Variants in SFT2D2 observed in about 807,000 individuals in gnomAD.
SFT2D2 encodes the protein vesicle transport protein SFT2B.
Under a neutral mutation model 27.4 loss-of-function variants are expected in SFT2D2, and 21 were observed. That is an observed-to-expected ratio of 0.77 (90% CI 0.54 to 1.10). SFT2D2 has a LOEUF of 1.10. Among genes scored for constraint, SFT2D2 ranks in the 50% least tolerant of loss-of-function variants. The pLI, the probability that SFT2D2 is intolerant of heterozygous loss-of-function variation, is 0.00. For missense variants in SFT2D2, 187 were observed against 194.2 expected, an observed-to-expected ratio of 0.96 and a Z score of 0.22; for synonymous variants, 72 against 71.7, an observed-to-expected ratio of 1.00 and a Z score of -0.02.
In SFT2D2 at chr1:168,245,690, T is replaced by TC. The variant is rs1289957205; in HGVS notation, c.*3152dup. The stretch of plus-strand genomic sequence containing the variant: ...TGGTTCCTAACAGGTCATGGACCTG[T>TC]CCATGGCCTGTAGGTTGGGAACCTC... On this transcript the variant is annotated 3_prime_UTR_variant, in exon 8 of 8. Transcript: ENST00000271375. The TC allele has an allele frequency of 2.6e-5, 4 of 151,988 alleles. No individual in the cohort carries two copies. The highest frequency in any genetic ancestry group is 9.7e-5 in the African/African-American group (4 of 41,328). 9.4% of individuals were successfully genotyped at this position (151,988 alleles called of 1,614,324 possible).
chr1:168,240,279 C>T (rs757643430), intron 7 of SFT2D2, among the ~76,000 whole-genome samples: 1 of 151,478 alleles, frequency 6.6e-6, no homozygotes, highest in African/African-American at 2.4e-5. Flanking sequence ...CTGTTGCTGA[C>T]AGTGATTTGA....
rs144712503 is a variant in SFT2D2 at position 168,226,130 on chromosome 1, C to G, written c.51C>G (p.Ser17Arg). 6.5e-7 allele frequency: 1 copy of G among 1,534,178 alleles called. No homozygotes were observed. Among genetic ancestry groups the G allele is most frequent in the Non-Finnish European group, 8.8e-7 (1 of 1,139,824 alleles). ...VLSGQDTEDR[S>R]GLSEVVEASS... ...GCGGGCAGGACACGGAGGACCGGAGCGGCCTGTCCGAGGTGAGTGAGCCCG... is the reference window on the plus strand; with the variant it reads ...GCGGGCAGGACACGGAGGACCGGAGGGGCCTGTCCGAGGTGAGTGAGCCCG... Residue 17 changes from serine (S) to arginine (R), a missense_variant, in exon 1 of 8, where the codon AGC (serine) becomes AGG (arginine). Transcript: ENST00000271375.
intron 3 of SFT2D2, 131 bp from the exon 4 acceptor site, chr1:168,234,970 C>G (rs566738437): frequency 2.4e-6 from 2 of 824,728 alleles, no homozygotes; most frequent in African/African-American, 1.7e-5. Context: ...ACGAAAGGCC[C>G]TTCAGCACAG....
intron 1 of SFT2D2, chr1:168,229,711 A>T (rs1156396908): frequency 1.3e-5 from 2 of 152,304 alleles, no homozygotes; most frequent in African/African-American, 4.8e-5. Context: ...CACCTTGGCA[A>T]GGTAAGTTCT....
chr1:168,231,013 T>C (rs897419372), intron 1 of SFT2D2, among the ~76,000 whole-genome samples: 2 of 152,160 alleles, frequency 1.3e-5, no homozygotes, highest in African/African-American at 4.8e-5. Context: ...CAAGAGTGAA[T>C]AATGTGGGTG....
chr1:168,243,546 A>G lies in SFT2D2; in HGVS notation c.*1006A>G, dbSNP rs2102334666. ...TGTTTGCACTTAGCCTGTGCTGGGG[A>G]CACTGGGGATAAACTGCAGGTGGTC... On this transcript the variant is annotated 3_prime_UTR_variant, in exon 8 of 8. Transcript: ENST00000271375. The G allele has an allele frequency of 6.6e-6, 1 of 152,302 alleles. No homozygotes were observed. Among genetic ancestry groups the G allele is most frequent in the East Asian group, 1.9e-4 (1 of 5,164 alleles). The allele number at this position is 152,302 out of a possible 1,614,324, so 9.4% of individuals were successfully genotyped here. A position where few individuals can be genotyped will look rare whatever the true frequency, so the allele number is the denominator to read the frequency against.
chr1:168,232,725 CTG>C (rs1216697771), intron 3 of SFT2D2, among the ~76,000 whole-genome samples: 3 of 152,234 alleles, frequency 2.0e-5, no homozygotes. Context: ...TGATCACACT[CTG>C]TGCTGGGCTC....
At chr1:168,231,148 A>G (rs1030226649) in intron 1 of SFT2D2, among the ~76,000 whole-genome samples, 1 of 152,100 alleles carries the variant, frequency 6.6e-6, no homozygotes, top group Non-Finnish European at 1.5e-5. Flanking sequence ...TCCCTGGTGG[A>G]CGCATGCCTT....
rs1298025952 is a variant in SFT2D2, at chr1:168,246,005, C to G, written c.*3465C>G. 4 of 195,848 alleles carry G rather than the reference C, an allele frequency of 2.0e-5. No individual in the cohort carries two copies. Among genetic ancestry groups the G allele is most frequent in the Non-Finnish European group, 4.2e-5 (4 of 95,176 alleles). The allele number at this position is 195,848 out of a possible 1,614,324, so 12.1% of individuals were successfully genotyped here. On this transcript the variant is annotated 3_prime_UTR_variant, in exon 8 of 8. Transcript: ENST00000271375. The stretch of plus-strand genomic sequence containing the variant: ...CTAATTTCTTCCTTGAATCCTACAT[C>G]TCACTTTCTCAATGGACGCAGTGAC...
At chr1:168,242,308 A>G (rs984001702) in intron 7 of SFT2D2, among the ~76,000 whole-genome samples, 193 bp from the exon 8 acceptor site, 9 of 152,200 alleles carry the variant, frequency 5.9e-5, no homozygotes, top group Admixed American at 3.9e-4. Flanking sequence ...GAGGAATTTG[A>G]AACTCAAACA....
rs1251619090 is a variant in SFT2D2 at position 168,238,798 on chromosome 1, G to A, written c.414-333G>A. Among the ~76,000 whole-genome samples, 8 of 152,178 alleles carry A rather than the reference G, an allele frequency of 5.3e-5. No individual in the cohort carries two copies. The East Asian group carries it at 1.5e-3, about 29-fold the overall frequency. ...AGAATAGAGTTTCTGTGCCATCTGG[G>A]TATTTGAAATCTGACTGTTTAAGGT... On this transcript the variant is annotated intron_variant, in intron 6 of 7. Coordinates refer to ENST00000271375, the MANE Select transcript of SFT2D2 (RefSeq NM_199344.3).
Position 168,252,134 on chromosome 1 carries a change from C to T in SFT2D2, c.*9594C>T, listed in dbSNP as rs1647966112. 6.6e-6 allele frequency: 1 copy of T among 152,060 alleles called. No homozygotes were observed. The highest frequency in any genetic ancestry group is 2.1e-4 in the South Asian group (1 of 4,828). The allele number at this position is 152,060 out of a possible 1,614,324, so 9.4% of individuals were successfully genotyped here. ...CAGAGCCTTTGTTAATGTAAATTGACAAAAAGTATGTCCTTTTCTAGCAGG... is the reference window on the plus strand; with the variant it reads ...CAGAGCCTTTGTTAATGTAAATTGATAAAAAGTATGTCCTTTTCTAGCAGG... On this transcript the variant is annotated 3_prime_UTR_variant, in exon 8 of 8. Coordinates refer to ENST00000271375, the MANE Select transcript of SFT2D2 (RefSeq NM_199344.3).
At chr1:168,238,972 C>T (rs1203716793) in intron 6 of SFT2D2, among the ~76,000 whole-genome samples, 159 bp from the exon 7 acceptor site, 6 of 152,206 alleles carry the variant, frequency 3.9e-5, no homozygotes, top group African/African-American at 7.2e-5. Context: ...CATGCACATG[C>T]GTGGGCCTTT....
Position 168,245,392 on chromosome 1 carries a change from C to T in SFT2D2, c.*2852C>T, listed in dbSNP as rs1043887478. 2.6e-5 allele frequency: 4 copies of T among 151,882 alleles called. No individual in the cohort carries two copies. The highest frequency in any genetic ancestry group is 4.8e-5 in the African/African-American group (2 of 41,322). 9.4% of individuals were successfully genotyped at this position (151,882 alleles called of 1,614,324 possible). ...AATATAAAATTCTTGGGAATAAACCCGACAAACTATGTGGATTATCTGTAC... is the reference window on the plus strand; with the variant it reads ...AATATAAAATTCTTGGGAATAAACCTGACAAACTATGTGGATTATCTGTAC... On this transcript the variant is annotated 3_prime_UTR_variant, in exon 8 of 8. Coordinates refer to ENST00000271375, the MANE Select transcript of SFT2D2 (RefSeq NM_199344.3).
At chr1:168,238,845 A>G (rs563450537) in intron 6 of SFT2D2, among the ~76,000 whole-genome samples, 1 of 152,352 alleles carries the variant, frequency 6.6e-6, no homozygotes, top group South Asian at 2.1e-4. Flanking sequence ...GTTCAAGGTT[A>G]TAGCAGTACT....
chr1:168,236,686 C>T (rs377115232), intron 5 of SFT2D2, 26 bp from the exon 6 acceptor site: 1 of 1,613,966 alleles, frequency 6.2e-7, no homozygotes, highest in South Asian at 1.1e-5. Context: ...TCACACTCTC[C>T]TATAACCATA....
chr1:168,247,038 G>T lies in SFT2D2; in HGVS notation c.*4498G>T, dbSNP rs751787532. The T allele has an allele frequency of 2.2e-6, 1 of 452,752 alleles. No homozygotes were observed. Among genetic ancestry groups the T allele is most frequent in the Non-Finnish European group, 4.3e-6 (1 of 231,076 alleles). The allele number at this position is 452,752 out of a possible 1,614,324, so 28.0% of individuals were successfully genotyped here. A position where few individuals can be genotyped will look rare whatever the true frequency, so the allele number is the denominator to read the frequency against. On this transcript the variant is annotated 3_prime_UTR_variant, in exon 8 of 8. Coordinates refer to ENST00000271375, the MANE Select transcript of SFT2D2 (RefSeq NM_199344.3). ...AGAAATCTCAAACTGCAGAGTTCTT[G>T]TTCCCATTCAAGTTTTTGATATTCT...
chr1:168,249,424 CAG>C lies in SFT2D2; in HGVS notation c.*6885_*6886del, dbSNP rs1647901843. 1 of 151,996 alleles carries C rather than the reference CAG, an allele frequency of 6.6e-6. No homozygotes were observed. The highest frequency in any genetic ancestry group is 1.5e-5 in the Non-Finnish European group (1 of 67,986). The allele number at this position is 151,996 out of a possible 1,614,324, so 9.4% of individuals were successfully genotyped here. On this transcript the variant is annotated 3_prime_UTR_variant, in exon 8 of 8. Transcript: ENST00000271375. ...CTAATTTTTGTATTTTTAGTAGAAA[CAG>C]GGTTTCACCATGTTGGCCAGGCTGG...
intron 7 of SFT2D2, among the ~76,000 whole-genome samples, chr1:168,241,769 C>T (rs1301833693): frequency 1.3e-5 from 2 of 152,066 alleles, no homozygotes; most frequent in African/African-American, 2.4e-5. Flanking sequence ...GAAATGCTGC[C>T]CTGGAACCAT....
Sources: allele counts gnomAD v4.1 joint callset (sites outside exome capture counted in the v4.1 genomes callset), GRCh38; gene constraint gnomAD v4.1.1; transcripts MANE v1.5; gene names NCBI Gene and HGNC (gene_info 2026-07-23, HGNC 2026-07-21).